Variants in MAK observed in about 807,000 individuals in gnomAD.
MAK encodes serine/threonine-protein kinase MAK.
A neutral mutation model predicts 82.6 loss-of-function variants in MAK; 65 were observed. That is an observed-to-expected ratio of 0.79 (90% CI 0.64 to 0.97). The LOEUF (loss-of-function observed/expected upper bound fraction) is 0.97. MAK is among the 50% of genes least tolerant of loss of function. The pLI is 0.00. For missense variants in MAK, 703 were observed against 780.2 expected, an observed-to-expected ratio of 0.90 and a Z score of 1.18; for synonymous variants, 250 against 274.2, an observed-to-expected ratio of 0.91 and a Z score of 0.87.
At chr6:10,772,446 C>T (rs762927157) in intron 13 of MAK, among the ~76,000 whole-genome samples, 10 of 151,810 alleles carry the variant, frequency 6.6e-5, no homozygotes, top group Non-Finnish European at 1.0e-4. Flanking sequence ...CGGGTTCAAG[C>T]GATTCTCCTG....
intron 10 of MAK, among the ~76,000 whole-genome samples, chr6:10,788,583 A>AT (rs1172450201): frequency 1.3e-5 from 2 of 152,060 alleles, no homozygotes; most frequent in Non-Finnish European, 2.9e-5. Context: ...AATACAAAAA[A>AT]TTAGCCAGGC....
At chr6:10,794,983 ACT>A (rs1300105355) in intron 9 of MAK, among the ~76,000 whole-genome samples, 2 of 149,132 alleles carry the variant, frequency 1.3e-5, no homozygotes, top group Admixed American at 6.8e-5. Flanking sequence ...CAAGAGCAAA[ACT>A]CTGTCTCAAA....
chr6:10,785,228 G>C (rs553875919), intron 10 of MAK, among the ~76,000 whole-genome samples: 1 of 152,170 alleles, frequency 6.6e-6, no homozygotes, highest in East Asian at 1.9e-4. Context: ...TTTCTGCTTC[G>C]AGGCTTAGTT....
intron 13 of MAK, 66 bp downstream of exon 13, chr6:10,772,968 G>A: frequency 9.1e-7 from 1 of 1,101,066 alleles, no homozygotes; most frequent in Non-Finnish European, 1.3e-6. Context: ...AGGGGCAAAT[G>A]TTGAGAAGAA....
intron 11 of MAK, 104 bp from the exon 12 acceptor site, chr6:10,775,563 A>C: frequency 7.9e-7 from 1 of 1,264,898 alleles, no homozygotes; most frequent in East Asian, 2.4e-5. Context: ...CTTGGACAGG[A>C]GAATGGAAAT....
chr6:10,830,957 G>A (rs1054500651), intron 1 of MAK, 80 bp from the exon 2 acceptor site: 3 of 359,730 alleles, frequency 8.3e-6, no homozygotes, highest in South Asian at 2.5e-5. Flanking sequence ...TAGAGCAAAG[G>A]GAAAATTATA....
intron 5 of MAK, 41 bp downstream of exon 5, chr6:10,813,603 A>C: frequency 9.4e-7 from 1 of 1,064,846 alleles, no homozygotes; most frequent in East Asian, 2.4e-5. Flanking sequence ...TCTGGACAGT[A>C]ATCTAAAGAG....
At chr6:10,785,353 C>T (rs927041892) in intron 10 of MAK, among the ~76,000 whole-genome samples, 8 of 152,206 alleles carry the variant, frequency 5.3e-5, no homozygotes, top group African/African-American at 1.7e-4. Context: ...GAGCCCTCCA[C>T]GACCAACCTT....
chr6:10,762,948 CCCA>C lies in MAK; in HGVS notation c.*1501_*1503del, dbSNP rs1424549246. 1 of 152,454 alleles carries C rather than the reference CCCA, an allele frequency of 6.6e-6. No homozygotes were observed. Among genetic ancestry groups the C allele is most frequent in the Non-Finnish European group, 1.5e-5 (1 of 68,010 alleles). 9.4% of individuals were successfully genotyped at this position (152,454 alleles called of 1,614,324 possible). ...TTTTATAATATGCCTTTGTATAATG[CCCA>C]CAAGATGACACTTATTACAATAGCA... On this transcript the variant is annotated 3_prime_UTR_variant, in exon 15 of 15. Coordinates refer to ENST00000354489, the MANE Select transcript of MAK (RefSeq NM_001242957.3).
At chr6:10,764,660 C>A (rs1485403351) in intron 14 of MAK, 54 bp from the exon 15 acceptor site, 2 of 1,496,462 alleles carry the variant, frequency 1.3e-6, no homozygotes, top group South Asian at 2.3e-5. Flanking sequence ...TTATCAAACT[C>A]AAAATAAAGA....
At chr6:10,790,356 T>A (rs1263498189) in intron 10 of MAK, among the ~76,000 whole-genome samples, 1 of 152,186 alleles carries the variant, frequency 6.6e-6, no homozygotes, top group African/African-American at 2.4e-5. Context: ...GCTACTTGTA[T>A]AAGTTTTCCT....
chr6:10,803,233 C>T (rs60985382), intron 7 of MAK, among the ~76,000 whole-genome samples: 107 of 152,170 alleles, frequency 7.0e-4, no homozygotes, highest in African/African-American at 2.1e-3. Context: ...TAACCCACTC[C>T]GATTAAAAAA....
chr6:10,810,726 T>C (rs1455422780), intron 5 of MAK, among the ~76,000 whole-genome samples: 1 of 152,220 alleles, frequency 6.6e-6, no homozygotes, highest in Non-Finnish European at 1.5e-5. Flanking sequence ...TTAACAGTTT[T>C]GTAATCTGAG....
chr6:10,808,535 T>G (rs1473528205), intron 6 of MAK, among the ~76,000 whole-genome samples: 2 of 152,226 alleles, frequency 1.3e-5, no homozygotes, highest in African/African-American at 2.4e-5. Flanking sequence ...TTCACTGCTG[T>G]GTTCTCTGTG....
chr6:10,775,752 C>T (rs959082402), intron 11 of MAK, among the ~76,000 whole-genome samples: 1 of 152,038 alleles, frequency 6.6e-6, no homozygotes, highest in African/African-American at 2.4e-5. Context: ...TGAGATGGCA[C>T]AAAAATTTTT....
chr6:10,811,348 C>G (rs1776918005), intron 5 of MAK, among the ~76,000 whole-genome samples: 1 of 152,268 alleles, frequency 6.6e-6, no homozygotes. Context: ...ATCTGAGATG[C>G]TTAGCAGCAA....
At chr6:10,811,594 T>C (rs1185420727) in intron 5 of MAK, among the ~76,000 whole-genome samples, 2 of 152,190 alleles carry the variant, frequency 1.3e-5, no homozygotes, top group East Asian at 1.9e-4. Flanking sequence ...TTTAAAACAA[T>C]TAAAAATCAG....
rs886760970 is a variant in MAK at position 10,764,669 on chromosome 6, G to A, written c.1793-63C>T. 5.0e-6 allele frequency: 7 copies of A among 1,403,284 alleles called. No individual in the cohort carries two copies. In the East Asian group the frequency reaches 1.6e-4, roughly 32 times the overall value. 86.9% of individuals were successfully genotyped at this position (1,403,284 alleles called of 1,614,324 possible). ...ATTTGCTTATCAAACTCAAAATAAAGAAATTCATCCTCTCATTTGATGGGG... is the reference window on the plus strand; with the variant it reads ...ATTTGCTTATCAAACTCAAAATAAAAAAATTCATCCTCTCATTTGATGGGG... On this transcript the variant is annotated intron_variant, in intron 14 of 14. Transcript: ENST00000354489.
At chr6:10,806,505 A>ATTTTTTTTT (rs70991049) in intron 6 of MAK, among the ~76,000 whole-genome samples, 195 of 117,102 alleles carry the variant, frequency 1.7e-3, no homozygotes, top group Middle Eastern at 5.1e-3. Context: ...CACCCGTCTA[A>ATTTTTTTTT]TTTTTTTTTT....
Sources: gnomAD v4.1 joint callset for allele counts (sites outside exome capture counted in the v4.1 genomes callset) on GRCh38, gnomAD v4.1.1 for gene constraint, MANE v1.5 for transcripts, NCBI Gene and HGNC (gene_info 2026-07-23, HGNC 2026-07-21) for gene names.